The following PPP1R3C variants were observed in gnomAD, a reference collection of about 807,000 sequenced individuals.
PPP1R3C encodes the protein protein phosphatase 1 regulatory subunit 3C.
In PPP1R3C, 20 loss-of-function variants were observed where a neutral mutation model predicts 29.3. The observed-to-expected ratio is 0.68, with a 90% CI of 0.48 to 0.99. PPP1R3C has a LOEUF of 0.99. Ranked by LOEUF, PPP1R3C falls within the 50% of genes least tolerant of loss-of-function variation. The pLI, the probability that PPP1R3C is intolerant of heterozygous loss-of-function variation, is 0.00. For missense variants in PPP1R3C, 321 were observed against 386.0 expected (o/e 0.83, Z 1.41); for synonymous variants, 123 against 143.1 (o/e 0.86, Z 1.00).
Position 91,629,893 on chromosome 10 carries a change from T to A in PPP1R3C, c.*34A>T, listed in dbSNP as rs377761243. 1 of 1,608,330 alleles carries A rather than the reference T, an allele frequency of 6.2e-7. No homozygotes were observed. The highest frequency in any genetic ancestry group is 8.5e-7 in the Non-Finnish European group (1 of 1,175,514). On this transcript the variant is annotated 3_prime_UTR_variant, in exon 2 of 2. Coordinates refer to ENST00000238994, the MANE Select transcript of PPP1R3C (RefSeq NM_005398.7). The stretch of plus-strand genomic sequence containing the variant: ...AGACCTAGGATTGCATGGGGGAATA[T>A]GACAAGTCAAGACCAGTTACATTGT...
rs1245290430 is a variant in PPP1R3C at position 91,630,405 on chromosome 10, A to C, written c.476T>G (p.Leu159Arg). The change falls in exon 2 of 2, where the codon CTG becomes CGG. Residue 159 changes from leucine to arginine, a missense_variant. Leu to Arg is a moderately radical substitution (Grantham distance 102). Coordinates refer to ENST00000238994, the MANE Select transcript of PPP1R3C (RefSeq NM_005398.7). This position sits in a 1 kb window ranked among gnomAD's most constrained non-coding sequence, Gnocchi z 4.4. The stretch of plus-strand genomic sequence containing the variant: ...TCGCTCTTGCAACGAGCAGTTCTCC[A>C]GACAGACAAAGTTCTTCTGAAAGTG... ...RSHFQKNFVC[L>R]ENCSLQERTV... 1 of 1,614,078 alleles carries C rather than the reference A, an allele frequency of 6.2e-7. No individual in the cohort carries two copies. Among genetic ancestry groups the C allele is most frequent in the Non-Finnish European group, 8.5e-7 (1 of 1,180,024 alleles).
rs943402016 is a variant in PPP1R3C at position 91,629,229 on chromosome 10, A to T, written c.*698T>A. On this transcript the variant is annotated 3_prime_UTR_variant, in exon 2 of 2. Coordinates refer to ENST00000238994, the MANE Select transcript of PPP1R3C (RefSeq NM_005398.7). ...GTTTGATCACAAAGTCACTTATAACATCAGGACTACAAAGCCAGATTTGCT... is the reference window on the plus strand; with the variant it reads ...GTTTGATCACAAAGTCACTTATAACTTCAGGACTACAAAGCCAGATTTGCT... 6.6e-6 allele frequency: 1 copy of T among 152,486 alleles called. No individual in the cohort carries two copies. Among genetic ancestry groups the T allele is most frequent in the Admixed American group, 6.5e-5 (1 of 15,300 alleles). The allele number at this position is 152,486 out of a possible 1,614,324, so 9.4% of individuals were successfully genotyped here.
intron 1 of PPP1R3C, among the ~76,000 whole-genome samples, chr10:91,631,673 A>T (rs2133484601): frequency 6.6e-6 from 1 of 152,352 alleles, no homozygotes; most frequent in East Asian, 1.9e-4. Flanking sequence ...TGCACTTAAA[A>T]ACTATATAAT....
chr10:91,629,762 C>T lies in PPP1R3C; in HGVS notation c.*165G>A. 1 of 767,772 alleles carries T rather than the reference C, an allele frequency of 1.3e-6. No individual in the cohort carries two copies. The highest frequency in any genetic ancestry group is 2.2e-6 in the Non-Finnish European group (1 of 460,918). 47.6% of individuals were successfully genotyped at this position (767,772 alleles called of 1,614,324 possible). On this transcript the variant is annotated 3_prime_UTR_variant, in exon 2 of 2. Transcript: ENST00000238994. ...TTGGGTAGCATCATCTGTACAGACC[C>T]CAACACTAAATTCTCAAGTGTCTTT...
chr10:91,633,031 A>T lies in PPP1R3C; in HGVS notation c.-62T>A. 1.3e-6 allele frequency: 2 copies of T among 1,591,862 alleles called. No homozygotes were observed. The highest frequency in any genetic ancestry group is 1.7e-6 in the Non-Finnish European group (2 of 1,168,492). On this transcript the variant is annotated 5_prime_UTR_variant, in exon 1 of 2. Coordinates refer to ENST00000238994, the MANE Select transcript of PPP1R3C (RefSeq NM_005398.7). ...CGCTGCCTGCACAAATTCGAACCAC[A>T]GCTCCAGGCCTTGCCCCCGCGGCGG...
At position 91,630,644 on chromosome 10, in the gene PPP1R3C, G is replaced by T. The variant is rs761353233; in HGVS notation, c.237C>A (p.Asn79Lys). ...KSQNDWKCSH[N>K]QAKKRVVFAD... ...CAAACACAACGCGCTTCTTGGCTTG[G>T]TTGTGTGAGCACTTCCAGTCATTCT... is the stretch of plus-strand genomic sequence containing the variant. Residue 79 changes from asparagine to lysine, a missense_variant, in exon 2 of 2, where the codon AAC becomes AAA. Transcript: ENST00000238994. This position sits in a 1 kb window ranked among gnomAD's most constrained non-coding sequence, Gnocchi z 4.4. 1 of 1,611,406 alleles carries T rather than the reference G, an allele frequency of 6.2e-7. No homozygotes were observed. The highest frequency in any genetic ancestry group is 1.7e-5 in the Admixed American group (1 of 59,912).
At position 91,630,932 on chromosome 10, in the gene PPP1R3C, A is replaced by C; in HGVS notation, c.15-66T>G. ...AATGCTCTTCCCCAGTGCCAAATAC[A>C]TATGTACTATTTTTGTGCTGACTGA... On this transcript the variant is annotated intron_variant, in intron 1 of 1. Coordinates refer to ENST00000238994, the MANE Select transcript of PPP1R3C (RefSeq NM_005398.7). The surrounding 1 kb of genome is among the most constrained non-coding windows in gnomAD (Gnocchi z 4.4). 1 of 1,386,010 alleles carries C rather than the reference A, an allele frequency of 7.2e-7. No individual in the cohort carries two copies. Among genetic ancestry groups the C allele is most frequent in the East Asian group, 2.3e-5 (1 of 43,728 alleles). 85.9% of individuals were successfully genotyped at this position (1,386,010 alleles called of 1,614,324 possible). A position where few individuals can be genotyped will look rare whatever the true frequency, so the allele number is the denominator to read the frequency against.
At position 91,633,030 on chromosome 10, in the gene PPP1R3C, C is replaced by CA; in HGVS notation, c.-62dup. On this transcript the variant is annotated 5_prime_UTR_variant, in exon 1 of 2. Coordinates refer to ENST00000238994, the MANE Select transcript of PPP1R3C (RefSeq NM_005398.7). The stretch of plus-strand genomic sequence containing the variant: ...CCGCTGCCTGCACAAATTCGAACCA[C>CA]AGCTCCAGGCCTTGCCCCCGCGGCG... The CA allele has an allele frequency of 6.3e-7, 1 of 1,591,854 alleles. No homozygotes were observed.
chr10:91,630,919 C>A lies in PPP1R3C; in HGVS notation c.15-53G>T, dbSNP rs931912957. 8.7e-6 allele frequency: 13 copies of A among 1,488,722 alleles called. No individual in the cohort carries two copies. Among genetic ancestry groups the A allele is most frequent in the Non-Finnish European group, 1.2e-5 (13 of 1,078,626 alleles). 92.2% of individuals were successfully genotyped at this position (1,488,722 alleles called of 1,614,324 possible). A position where few individuals can be genotyped will look rare whatever the true frequency, so the allele number is the denominator to read the frequency against. Reference sequence around the variant, plus strand: ...CACCTGGATCGGAAATGCTCTTCCCCAGTGCCAAATACATATGTACTATTT... The same window carrying A: ...CACCTGGATCGGAAATGCTCTTCCCAAGTGCCAAATACATATGTACTATTT... On this transcript the variant is annotated intron_variant, in intron 1 of 1. Coordinates refer to ENST00000238994, the MANE Select transcript of PPP1R3C (RefSeq NM_005398.7). The surrounding 1 kb of genome is among the most constrained non-coding windows in gnomAD (Gnocchi z 4.4).
In PPP1R3C at chr10:91,628,883, C is replaced by CA. The variant is rs1356568175; in HGVS notation, c.*1043dup. ...TCGGGCCTCACGTCAAGCATCACAT[C>CA]AAAAAAGTGTGCAGAAAAATGAGTC... On this transcript the variant is annotated 3_prime_UTR_variant, in exon 2 of 2. Coordinates refer to ENST00000238994, the MANE Select transcript of PPP1R3C (RefSeq NM_005398.7). 1 of 152,468 alleles carries CA rather than the reference C, an allele frequency of 6.6e-6. No homozygotes were observed. Among genetic ancestry groups the CA allele is most frequent in the Non-Finnish European group, 1.5e-5 (1 of 68,040 alleles). The allele number at this position is 152,468 out of a possible 1,614,324, so 9.4% of individuals were successfully genotyped here.
Position 91,633,042 on chromosome 10 carries a change from T to C in PPP1R3C, c.-73A>G. Reference sequence around the variant, plus strand: ...CAAATTCGAACCACAGCTCCAGGCCTTGCCCCCGCGGCGGTCGCTGGGAGA... The same window carrying C: ...CAAATTCGAACCACAGCTCCAGGCCCTGCCCCCGCGGCGGTCGCTGGGAGA... On this transcript the variant is annotated 5_prime_UTR_variant, in exon 1 of 2. Transcript: ENST00000238994. The C allele has an allele frequency of 1.3e-6, 2 of 1,577,236 alleles. No individual in the cohort carries two copies. Among genetic ancestry groups the C allele is most frequent in the Middle Eastern group, 1.7e-4 (1 of 5,984 alleles).
At position 91,629,711 on chromosome 10, in the gene PPP1R3C, C is replaced by T; in HGVS notation, c.*216G>A. On this transcript the variant is annotated 3_prime_UTR_variant, in exon 2 of 2. Coordinates refer to ENST00000238994, the MANE Select transcript of PPP1R3C (RefSeq NM_005398.7). ...TACCTTTATAAAAATAGTTTTCAACCTGTTACTTGATCCTTCAAAGCCAAA... is the reference window on the plus strand; with the variant it reads ...TACCTTTATAAAAATAGTTTTCAACTTGTTACTTGATCCTTCAAAGCCAAA... 1.7e-6 allele frequency: 1 copy of T among 589,276 alleles called. No individual in the cohort carries two copies. Among genetic ancestry groups the T allele is most frequent in the South Asian group, 2.2e-5 (1 of 45,302 alleles). The allele number at this position is 589,276 out of a possible 1,614,324, so 36.5% of individuals were successfully genotyped here.
In PPP1R3C at chr10:91,630,625, CA is replaced by C; in HGVS notation, c.255del (p.Val86CysfsTer41). ...KCSHNQAKKR[V>X]VFADSKGLSL... ...GAGAGGCCCTTGGAGTCAGCAAACA[CA>C]ACGCGCTTCTTGGCTTGGTTGTGTG... On this transcript the variant is annotated frameshift_variant, in exon 2 of 2. Coordinates refer to ENST00000238994, the MANE Select transcript of PPP1R3C (RefSeq NM_005398.7). LOFTEE classifies it high-confidence loss of function. The surrounding 1 kb of genome is among the most constrained non-coding windows in gnomAD (Gnocchi z 4.4). 6.2e-7 allele frequency: 1 copy of C among 1,611,354 alleles called. No individual in the cohort carries two copies. Among genetic ancestry groups the C allele is most frequent in the Non-Finnish European group, 8.5e-7 (1 of 1,177,814 alleles).
At position 91,629,661 on chromosome 10, in the gene PPP1R3C, A is replaced by C; in HGVS notation, c.*266T>G. 2.1e-6 allele frequency: 1 copy of C among 482,872 alleles called. No individual in the cohort carries two copies. The highest frequency in any genetic ancestry group is 3.8e-6 in the Non-Finnish European group (1 of 266,366). 29.9% of individuals were successfully genotyped at this position (482,872 alleles called of 1,614,324 possible). A position where few individuals can be genotyped will look rare whatever the true frequency, so the allele number is the denominator to read the frequency against. On this transcript the variant is annotated 3_prime_UTR_variant, in exon 2 of 2. Transcript: ENST00000238994. ...ATGAAAGCTAGTGGATTGAGAGGGA[A>C]GGAAGAAGGGAACTGAAAAAGTATT...
rs571139098 is a variant in PPP1R3C at position 91,630,655 on chromosome 10, A to G, written c.226T>C (p.Cys76Arg). The G allele has an allele frequency of 4.3e-6, 7 of 1,611,616 alleles. No individual in the cohort carries two copies. In the South Asian group the frequency reaches 5.5e-5, roughly 13 times the overall value. The change falls in exon 2 of 2, where the codon TGC becomes CGC. Residue 76 changes from cysteine to arginine, a missense_variant. Cys to Arg is a radical substitution (Grantham distance 180). Coordinates refer to ENST00000238994, the MANE Select transcript of PPP1R3C (RefSeq NM_005398.7). The surrounding 1 kb of genome is among the most constrained non-coding windows in gnomAD (Gnocchi z 4.4). ...HKAKSQNDWK[C>R]SHNQAKKRVV... ...CGCTTCTTGGCTTGGTTGTGTGAGCACTTCCAGTCATTCTGTGATTTGGCT... is the reference window on the plus strand; with the variant it reads ...CGCTTCTTGGCTTGGTTGTGTGAGCGCTTCCAGTCATTCTGTGATTTGGCT...
chr10:91,630,104 A>T lies in PPP1R3C; in HGVS notation c.777T>A (p.Val259=). Residue 259 remains valine (V), a synonymous_variant, in exon 2 of 2, where the codon GTT becomes GTA. Transcript: ENST00000238994. The surrounding 1 kb of genome is among the most constrained non-coding windows in gnomAD (Gnocchi z 4.4). ...NDGQNYRIVH[V]QWKPDGVQTQ... is the part of the protein sequence containing the mutation. Reference sequence around the variant, plus strand: ...TCTGCACCCCATCAGGCTTCCATTGAACATGAACAATTCTATAATTCTGAC... The same window carrying T: ...TCTGCACCCCATCAGGCTTCCATTGTACATGAACAATTCTATAATTCTGAC... 5.0e-6 allele frequency: 8 copies of T among 1,614,206 alleles called. No individual in the cohort carries two copies. The highest frequency in any genetic ancestry group is 6.8e-6 in the Non-Finnish European group (8 of 1,180,028).
Position 91,630,996 on chromosome 10 carries a change from A to G in PPP1R3C, c.15-130T>C. 1 of 796,498 alleles carries G rather than the reference A, an allele frequency of 1.3e-6. No individual in the cohort carries two copies. Among genetic ancestry groups the G allele is most frequent in the Non-Finnish European group, 2.1e-6 (1 of 471,600 alleles). The allele number at this position is 796,498 out of a possible 1,614,324, so 49.3% of individuals were successfully genotyped here. On this transcript the variant is annotated intron_variant, in intron 1 of 1. Coordinates refer to ENST00000238994, the MANE Select transcript of PPP1R3C (RefSeq NM_005398.7). This position sits in a 1 kb window ranked among gnomAD's most constrained non-coding sequence, Gnocchi z 4.4. ...CACTAGATATCAGGCAGGTGCTATC[A>G]TATGTAGTAAAAGAGAACAGTATTA...
chr10:91,629,238 A>G lies in PPP1R3C; in HGVS notation c.*689T>C, dbSNP rs1848686845. On this transcript the variant is annotated 3_prime_UTR_variant, in exon 2 of 2. Transcript: ENST00000238994. ...CAAAGTCACTTATAACATCAGGACTACAAAGCCAGATTTGCTTAAACTTTC... is the reference window on the plus strand; with the variant it reads ...CAAAGTCACTTATAACATCAGGACTGCAAAGCCAGATTTGCTTAAACTTTC... 6.6e-6 allele frequency: 1 copy of G among 152,594 alleles called. No individual in the cohort carries two copies. The highest frequency in any genetic ancestry group is 1.5e-5 in the Non-Finnish European group (1 of 68,336). 9.5% of individuals were successfully genotyped at this position (152,594 alleles called of 1,614,324 possible). A position where few individuals can be genotyped will look rare whatever the true frequency, so the allele number is the denominator to read the frequency against.
chr10:91,632,571 T>C (rs1848728231), intron 1 of PPP1R3C, among the ~76,000 whole-genome samples: 1 of 152,160 alleles, frequency 6.6e-6, no homozygotes, highest in Non-Finnish European at 1.5e-5. Flanking sequence ...CGTCGTCCTG[T>C]AATTTTTTTC....
Sources: allele counts gnomAD v4.1 joint callset (sites outside exome capture counted in the v4.1 genomes callset), GRCh38; gene constraint gnomAD v4.1.1; non-coding constraint Gnocchi (gnomAD v3.1); transcripts MANE v1.5; gene names NCBI Gene and HGNC (gene_info 2026-07-23, HGNC 2026-07-21).